EPHA6: variants seen among roughly 807,000 people sequenced by gnomAD.
The protein encoded by EPHA6 is ephrin type-A receptor 6.
A neutral mutation model predicts 112.0 loss-of-function variants in EPHA6; 50 were observed. The ratio of observed to expected loss-of-function variants is 0.45; its 90% CI spans 0.36 to 0.56. The LOEUF is 0.56. Ranked by LOEUF, EPHA6 falls within the 20% of genes least tolerant of loss-of-function variation. EPHA6 has a pLI of 0.00. For synonymous variants in EPHA6, 529 were observed against 490.7 expected (o/e 1.08, Z -1.03); for missense variants, 1,280 against 1,417.4 (o/e 0.90, Z 1.56).
intron 1 of EPHA6, among the ~76,000 whole-genome samples, chr3:96,831,726 A>G (rs891396332): frequency 2.0e-5 from 3 of 152,188 alleles, no homozygotes; most frequent in African/African-American, 7.2e-5. Flanking sequence ...TATCTGTATC[A>G]TTCAAGTTCT....
At chr3:97,099,976 A>C (rs1227686746) in intron 3 of EPHA6, among the ~76,000 whole-genome samples, 1 of 151,990 alleles carries the variant, frequency 6.6e-6, no homozygotes, top group Non-Finnish European at 1.5e-5. Context: ...GTTGGAGAAA[A>C]TTAAAAACAA....
intron 3 of EPHA6, among the ~76,000 whole-genome samples, chr3:97,105,494 TATTG>T (rs2047538245): frequency 6.6e-6 from 1 of 152,178 alleles, no homozygotes; most frequent in African/African-American, 2.4e-5. Context: ...TTTCTGTTTC[TATTG>T]GACTATTGTC....
chr3:97,375,616 G>A (rs16838598), intron 5 of EPHA6, among the ~76,000 whole-genome samples: 2,310 of 152,184 alleles, frequency 0.015, 55 homozygotes, highest in African/African-American at 0.05. Context: ...TGGCAATATA[G>A]CTCAGCTTAA....
At chr3:97,220,727 A>T (rs548373864) in intron 3 of EPHA6, among the ~76,000 whole-genome samples, 3 of 152,312 alleles carry the variant, frequency 2.0e-5, no homozygotes, top group African/African-American at 7.2e-5. Context: ...GATTATGAGG[A>T]TTATAATTCA....
Position 97,481,068 on chromosome 3 carries a change from C to T in EPHA6, c.2074+1704C>T, listed in dbSNP as rs893956237. On this transcript the variant is annotated intron_variant, in intron 9 of 17. Transcript: ENST00000389672. ...GCAGAGAGGCTCCTCACTTCCCAGA[C>T]GGGGTGGCAGCGGGGCAGAGGCTGC... The T allele has an allele frequency of 2.7e-5, 12 of 444,620 alleles. 1 individual carries two copies. Among genetic ancestry groups the T allele is most frequent in the Middle Eastern group, 7.4e-4 (1 of 1,358 alleles). The allele number at this position is 444,620 out of a possible 1,614,324, so 27.5% of individuals were successfully genotyped here.
chr3:97,170,231 T>C (rs1386473417), intron 3 of EPHA6, among the ~76,000 whole-genome samples: 4 of 152,136 alleles, frequency 2.6e-5, no homozygotes, highest in African/African-American at 2.4e-5. Flanking sequence ...TTAGGTTTTA[T>C]GGTTGAAGGC....
Position 97,753,496 on chromosome 3 carries a change from A to C in EPHA6, c.*4795A>C, listed in dbSNP as rs1183632729. ...GAAGCATACTTCCTGGGTTCTCTAA[A>C]ACAGTTTCTCTCATTAACAGTTGAT... On this transcript the variant is annotated 3_prime_UTR_variant, in exon 18 of 18. Coordinates refer to ENST00000389672, the MANE Select transcript of EPHA6 (RefSeq NM_001080448.3). Among the ~76,000 whole-genome samples the C allele has an allele frequency of 6.6e-6, 1 of 152,246 alleles. No homozygotes were observed. The highest frequency in any genetic ancestry group is 2.1e-4 in the South Asian group (1 of 4,824).
chr3:96,996,166 C>A (rs1166446582), intron 3 of EPHA6, among the ~76,000 whole-genome samples: 1 of 152,172 alleles, frequency 6.6e-6, no homozygotes, highest in Non-Finnish European at 1.5e-5. Flanking sequence ...CCATGAAGGG[C>A]AACTCCTGAT....
chr3:97,292,176 G>C (rs894952141), intron 5 of EPHA6, among the ~76,000 whole-genome samples: 1 of 152,240 alleles, frequency 6.6e-6, no homozygotes, highest in Admixed American at 6.5e-5. Context: ...AGGGGAACCT[G>C]ATGGCACCCG....
intron 5 of EPHA6, among the ~76,000 whole-genome samples, chr3:97,355,593 A>G (rs2084029972): frequency 6.6e-6 from 1 of 152,318 alleles, no homozygotes; most frequent in African/African-American, 2.4e-5. Flanking sequence ...CACAAAAAGG[A>G]AGATAGGAAG....
intron 3 of EPHA6, among the ~76,000 whole-genome samples, chr3:97,161,247 G>T (rs1322432532): frequency 6.6e-6 from 1 of 152,112 alleles, no homozygotes; most frequent in Non-Finnish European, 1.5e-5. Context: ...GCCAAAAGCT[G>T]TTTCTCAAAG....
At chr3:96,960,650 G>A (rs2041919896) in intron 2 of EPHA6, among the ~76,000 whole-genome samples, 1 of 152,140 alleles carries the variant, frequency 6.6e-6, no homozygotes, top group African/African-American at 2.4e-5. Context: ...GACCATCACA[G>A]GAACATAGCC....
intron 2 of EPHA6, among the ~76,000 whole-genome samples, chr3:96,958,145 C>T (rs569037780): frequency 6.6e-6 from 1 of 152,142 alleles, no homozygotes; most frequent in Admixed American, 6.5e-5. Flanking sequence ...ACAAAATTAG[C>T]CAGGCGTGGC....
intron 2 of EPHA6, among the ~76,000 whole-genome samples, chr3:96,927,535 T>C (rs750253423): frequency 2.0e-5 from 3 of 152,210 alleles, no homozygotes; most frequent in Non-Finnish European, 2.9e-5. Context: ...AAAGTTCCAC[T>C]TATCTCTAGG....
chr3:97,557,680 T>A (rs192207527), intron 11 of EPHA6, among the ~76,000 whole-genome samples: 2 of 152,032 alleles, frequency 1.3e-5, no homozygotes, highest in Non-Finnish European at 2.9e-5. Flanking sequence ...TCCTCATTTT[T>A]ATTTCTCTCC....
intron 2 of EPHA6, among the ~76,000 whole-genome samples, chr3:96,952,306 G>A (rs887018599): frequency 6.6e-6 from 1 of 152,154 alleles, no homozygotes; most frequent in African/African-American, 2.4e-5. Flanking sequence ...AACTCATGTT[G>A]CAATGTAATT....
chr3:97,690,647 T>C (rs569095274), intron 14 of EPHA6, among the ~76,000 whole-genome samples: 14 of 152,088 alleles, frequency 9.2e-5, no homozygotes, highest in Non-Finnish European at 1.8e-4. Context: ...TTTGTATTTT[T>C]AGTAGAGACG....
chr3:97,155,880 G>C (rs917351842), intron 3 of EPHA6, among the ~76,000 whole-genome samples: 2 of 152,196 alleles, frequency 1.3e-5, no homozygotes, highest in Admixed American at 1.3e-4. Context: ...CCTTCAAGAG[G>C]TAAATGAAGC....
intron 5 of EPHA6, among the ~76,000 whole-genome samples, chr3:97,337,218 T>G (rs2083098393): frequency 1.3e-5 from 2 of 152,164 alleles, no homozygotes; most frequent in Non-Finnish European, 2.9e-5. Flanking sequence ...GCAGGTGTTG[T>G]ACCTGATCTC....
Sources: allele counts gnomAD v4.1 joint callset (sites outside exome capture counted in the v4.1 genomes callset), GRCh38; gene constraint gnomAD v4.1.1; transcripts MANE v1.5; gene names NCBI Gene and HGNC (gene_info 2026-07-23, HGNC 2026-07-21).